CTNNA3: variants seen among roughly 807,000 people sequenced by gnomAD.
CTNNA3 encodes catenin alpha 3.
CTNNA3 carries 76 observed loss-of-function variants against 95.7 expected under a neutral mutation model. The observed-to-expected ratio is 0.79, with a 90% CI of 0.66 to 0.96. The LOEUF is 0.96. CTNNA3 is among the 40% of genes least tolerant of loss of function. The pLI, the probability that CTNNA3 is intolerant of heterozygous loss-of-function variation, is 0.00. For synonymous variants in CTNNA3, 431 were observed against 374.4 expected (o/e 1.15, Z -1.74); for missense variants, 1,191 against 1,089.8 (o/e 1.09, Z -1.31).
intron 8 of CTNNA3, among the ~76,000 whole-genome samples, chr10:66,772,618 C>G (rs1840138206): frequency 6.6e-6 from 1 of 152,116 alleles, no homozygotes; most frequent in Admixed American, 6.6e-5. Context: ...TCTAGTAAAA[C>G]AGGCAAGAAA....
intron 5 of CTNNA3, among the ~76,000 whole-genome samples, chr10:67,280,848 T>A (rs1022279048): frequency 6.6e-6 from 1 of 152,170 alleles, no homozygotes; most frequent in Non-Finnish European, 1.5e-5. Flanking sequence ...GCTTCAACTG[T>A]CTGTCTGTTT....
At chr10:66,417,471 T>C (rs1183259849) in intron 11 of CTNNA3, among the ~76,000 whole-genome samples, 1 of 151,966 alleles carries the variant, frequency 6.6e-6, no homozygotes, top group East Asian at 1.9e-4. Flanking sequence ...ACAGATCGTC[T>C]AGAAAGAAAA....
chr10:66,559,544 A>C (rs570249660), intron 10 of CTNNA3, among the ~76,000 whole-genome samples: 1 of 151,988 alleles, frequency 6.6e-6, no homozygotes, highest in East Asian at 1.9e-4. Context: ...AACACCCCCC[A>C]CACCCACCTC....
At chr10:66,639,898 C>T (rs1198405038) in intron 9 of CTNNA3, among the ~76,000 whole-genome samples, 1 of 151,866 alleles carries the variant, frequency 6.6e-6, no homozygotes. Flanking sequence ...TTTTAAATCC[C>T]TAGGTAAGTT....
intron 6 of CTNNA3, among the ~76,000 whole-genome samples, chr10:67,215,979 T>C (rs1279177616): frequency 6.6e-6 from 1 of 152,176 alleles, no homozygotes; most frequent in Non-Finnish European, 1.5e-5. Context: ...AGTTATCAGA[T>C]TATTTATGTA....
At chr10:67,328,188 T>C (rs181900125) in intron 5 of CTNNA3, among the ~76,000 whole-genome samples, 138 of 152,102 alleles carry the variant, frequency 9.1e-4, no homozygotes, top group African/African-American at 3.1e-3. Flanking sequence ...AAAGCTGCAG[T>C]ATGGGAGGGA....
chr10:66,364,290 C>T (rs1215714961), intron 12 of CTNNA3, among the ~76,000 whole-genome samples: 1 of 139,186 alleles, frequency 7.2e-6, no homozygotes, highest in Non-Finnish European at 1.6e-5. Context: ...TGACTGAAAT[C>T]CCAGAACTTT....
At chr10:66,146,510 G>C (rs2083893380) in intron 13 of CTNNA3, among the ~76,000 whole-genome samples, 1 of 152,084 alleles carries the variant, frequency 6.6e-6, no homozygotes, top group Non-Finnish European at 1.5e-5. Flanking sequence ...CAGACAATAG[G>C]ATAAGACAAA....
At chr10:66,363,825 TAAC>T in intron 12 of CTNNA3, among the ~76,000 whole-genome samples, 1 of 152,274 alleles carries the variant, frequency 6.6e-6, no homozygotes, top group African/African-American at 2.4e-5. Flanking sequence ...AATCCAATAA[TAAC>T]AACAATAATG....
At chr10:66,022,818 G>T (rs1471685620) in intron 15 of CTNNA3, among the ~76,000 whole-genome samples, 4 of 152,054 alleles carry the variant, frequency 2.6e-5, no homozygotes, top group African/African-American at 9.7e-5. Context: ...TTATTATTTA[G>T]CTGTTTCCAT....
intron 7 of CTNNA3, among the ~76,000 whole-genome samples, chr10:66,803,674 C>T (rs1027081567): frequency 1.3e-5 from 2 of 151,916 alleles, no homozygotes; most frequent in African/African-American, 4.8e-5. Context: ...CACCATAATC[C>T]CCATTTTACA....
intron 7 of CTNNA3, among the ~76,000 whole-genome samples, chr10:66,787,241 T>G (rs1840784387): frequency 6.6e-6 from 1 of 151,976 alleles, no homozygotes; most frequent in African/African-American, 2.4e-5. Context: ...AACAGATGTG[T>G]TGATGTCTCG....
intron 5 of CTNNA3, among the ~76,000 whole-genome samples, chr10:67,516,557 T>C (rs958974772): frequency 2.6e-5 from 4 of 152,176 alleles, no homozygotes; most frequent in African/African-American, 9.7e-5. Context: ...AGAATTTTAT[T>C]TTTTGTTTTG....
At chr10:66,542,899 C>A (rs1318279782) in intron 10 of CTNNA3, among the ~76,000 whole-genome samples, 1 of 151,632 alleles carries the variant, frequency 6.6e-6, no homozygotes, top group Non-Finnish European at 1.5e-5. Context: ...AAAATATATA[C>A]ATTAAAAAAA....
chr10:66,864,688 A>G (rs1481764950), intron 7 of CTNNA3, among the ~76,000 whole-genome samples: 1 of 152,144 alleles, frequency 6.6e-6, no homozygotes, highest in Non-Finnish European at 1.5e-5. Context: ...TATAAAAAAA[A>G]AGTTTCTATT....
chr10:67,422,866 GAACA>G (rs1279266795), intron 5 of CTNNA3, among the ~76,000 whole-genome samples: 2 of 152,018 alleles, frequency 1.3e-5, no homozygotes, highest in Non-Finnish European at 2.9e-5. Context: ...AGGAGTGTGA[GAACA>G]AACTAATACA....
At chr10:66,005,256 C>T (rs746229668) in intron 15 of CTNNA3, among the ~76,000 whole-genome samples, 9 of 152,152 alleles carry the variant, frequency 5.9e-5, no homozygotes, top group Non-Finnish European at 1.0e-4. Flanking sequence ...TGAAGGTGGA[C>T]ATCGTGGAGA....
rs897649767 is a variant in CTNNA3, at chr10:66,033,179, G to A, written c.2159+36129C>T. 4.3e-5 allele frequency among the ~76,000 whole-genome samples: 6 copies of A among 140,518 alleles called. No homozygotes were observed. The Admixed American group carries it at 4.7e-4, about 11-fold the overall frequency. The allele number at this position is 140,518 out of a possible 152,430, so 92.2% of individuals were successfully genotyped here. A position where few individuals can be genotyped will look rare whatever the true frequency, so the allele number is the denominator to read the frequency against. ...CGAGTCTCGCTCTGTCACCCAGGCT[G>A]GAGTGCAGTGGCGCTATCTCGGCTC... On this transcript the variant is annotated intron_variant, in intron 15 of 17. Coordinates refer to ENST00000433211, the MANE Select transcript of CTNNA3 (RefSeq NM_013266.4).
chr10:67,622,986 T>A (rs1415794575), intron 2 of CTNNA3, among the ~76,000 whole-genome samples: 3 of 152,204 alleles, frequency 2.0e-5, no homozygotes, highest in Non-Finnish European at 4.4e-5. Context: ...GAGGTTATAG[T>A]CAAAACTCCA....
Sources: gnomAD v4.1 joint callset for allele counts (sites outside exome capture counted in the v4.1 genomes callset) on GRCh38, gnomAD v4.1.1 for gene constraint, MANE v1.5 for transcripts, NCBI Gene and HGNC (gene_info 2026-07-23, HGNC 2026-07-21) for gene names.